The following TNNI3K variants were observed in gnomAD, a reference collection of about 807,000 sequenced individuals.
The protein encoded by TNNI3K is serine/threonine-protein kinase TNNI3K.
A neutral mutation model predicts 114.5 loss-of-function variants in TNNI3K; 140 were observed. The ratio of observed to expected loss-of-function variants is 1.22; its 90% CI spans 1.07 to 1.41. The LOEUF (loss-of-function observed/expected upper bound fraction) is 1.41, where lower values mean the gene tolerates loss of function less well. TNNI3K is among the 40% of genes most tolerant of loss of function. The probability of loss-of-function intolerance (pLI) is 0.00; values close to 1 mark genes in which losing one functional copy is unlikely to be tolerated. For missense variants in TNNI3K, 1,125 were observed against 1,007.6 expected, an observed-to-expected ratio of 1.12 and a Z score of -1.58; for synonymous variants, 347 against 347.5, an observed-to-expected ratio of 1.00 and a Z score of 0.02.
chr1:74,335,961 G>A (rs1660441414), intron 6 of TNNI3K, 50 bp from the exon 7 acceptor site: 2 of 1,517,794 alleles, frequency 1.3e-6, no homozygotes, highest in African/African-American at 1.4e-5. Flanking sequence ...CAAAAGTTTT[G>A]CATTATTGTT....
At chr1:74,542,824 A>T (rs184455808) in intron 24 of TNNI3K, among the ~76,000 whole-genome samples, 9 of 152,222 alleles carry the variant, frequency 5.9e-5, no homozygotes, top group Admixed American at 3.9e-4. Flanking sequence ...TGAAAAGAAA[A>T]CTGCTTCCCT....
intron 5 of TNNI3K, among the ~76,000 whole-genome samples, chr1:74,287,240 G>A (rs1369443094): frequency 6.6e-6 from 1 of 152,156 alleles, no homozygotes; most frequent in Admixed American, 6.5e-5. Context: ...AAGTAAACCA[G>A]TGTATGCATT....
intron 5 of TNNI3K, among the ~76,000 whole-genome samples, chr1:74,273,517 A>C (rs1253265750): frequency 2.0e-5 from 3 of 151,988 alleles, no homozygotes; most frequent in African/African-American, 7.2e-5. Context: ...TATGTCTTCA[A>C]AACAAAATCC....
chr1:74,382,023 C>T (rs1663228487), intron 17 of TNNI3K, among the ~76,000 whole-genome samples: 1 of 152,200 alleles, frequency 6.6e-6, no homozygotes, highest in African/African-American at 2.4e-5. Context: ...TCTCCATACT[C>T]AAGTAGCACT....
In TNNI3K at chr1:74,543,969, A is replaced by G; in HGVS notation, c.2495A>G (p.Glu832Gly). The G allele has an allele frequency of 6.2e-7, 1 of 1,613,134 alleles. No individual in the cohort carries two copies. The highest frequency in any genetic ancestry group is 1.1e-5 in the South Asian group (1 of 90,810). Residue 832 changes from glutamate (E) to glycine (G), a missense_variant, in exon 25 of 25, where the codon GAG becomes GGG. By Grantham distance (98) the Glu-to-Gly change is moderately conservative. Transcript: ENST00000326637. ...TCTTGCCGAAATAGTAGCAGCTTTG[A>G]GGACAGCAGCTGACAGCATTCGGCG... ...FHSCRNSSSF[E>G]DSS
chr1:74,364,169 TA>T (rs1331250019), intron 11 of TNNI3K, among the ~76,000 whole-genome samples: 3 of 150,746 alleles, frequency 2.0e-5, no homozygotes, highest in East Asian at 2.0e-4. Context: ...CCCACTAATT[TA>T]AAAAAAAATT....
intron 24 of TNNI3K, among the ~76,000 whole-genome samples, chr1:74,543,593 A>G (rs1395624537): frequency 6.6e-6 from 1 of 152,306 alleles, no homozygotes; most frequent in Admixed American, 6.5e-5. Context: ...GATTTGCCTG[A>G]CGTGAAAGCC....
At chr1:74,541,888 G>T (rs192032643) in intron 24 of TNNI3K, among the ~76,000 whole-genome samples, 1 of 152,094 alleles carries the variant, frequency 6.6e-6, no homozygotes, top group Admixed American at 6.5e-5. Flanking sequence ...TAAACTGATC[G>T]CAATATAACA....
intron 11 of TNNI3K, among the ~76,000 whole-genome samples, chr1:74,363,405 C>CATT (rs1662080316): frequency 6.6e-6 from 1 of 152,056 alleles, no homozygotes; most frequent in East Asian, 1.9e-4. Flanking sequence ...TGCTTATCAT[C>CATT]AGCCAGAACC....
intron 5 of TNNI3K, among the ~76,000 whole-genome samples, chr1:74,303,631 C>T (rs927848867): frequency 6.6e-6 from 1 of 152,176 alleles, no homozygotes; most frequent in East Asian, 1.9e-4. Context: ...AAAACAATAT[C>T]CATTCTGTAG....
intron 20 of TNNI3K, among the ~76,000 whole-genome samples, chr1:74,448,535 T>C (rs1169047739): frequency 6.8e-6 from 1 of 146,298 alleles, no homozygotes; most frequent in Admixed American, 6.8e-5. Context: ...ATCCCTGTCT[T>C]GTGCCGGTTT....
At chr1:74,538,393 C>A (rs537530940) in intron 23 of TNNI3K, among the ~76,000 whole-genome samples, 2 of 151,990 alleles carry the variant, frequency 1.3e-5, no homozygotes, top group Non-Finnish European at 2.9e-5. Context: ...TCTATTAATT[C>A]TATTAAATGC....
intron 7 of TNNI3K, 105 bp downstream of exon 7, chr1:74,336,254 A>T: frequency 7.3e-7 from 1 of 1,373,506 alleles, no homozygotes; most frequent in Non-Finnish European, 9.5e-7. Context: ...CTAATCCTGT[A>T]GTCATGTACT....
At chr1:74,534,281 C>T (rs183587977) in intron 23 of TNNI3K, among the ~76,000 whole-genome samples, 3 of 152,172 alleles carry the variant, frequency 2.0e-5, no homozygotes, top group Admixed American at 2.0e-4. Context: ...AATCAAAGTT[C>T]CCAAGTTTGC....
chr1:74,462,281 A>G (rs550093104), intron 20 of TNNI3K, among the ~76,000 whole-genome samples: 2 of 152,288 alleles, frequency 1.3e-5, no homozygotes, highest in East Asian at 3.9e-4. Context: ...GATGGGAGTA[A>G]ATTTTGGTAG....
intron 7 of TNNI3K, among the ~76,000 whole-genome samples, chr1:74,338,486 C>T (rs1025765051): frequency 6.6e-6 from 1 of 151,770 alleles, no homozygotes; most frequent in African/African-American, 2.4e-5. Flanking sequence ...TTCTCTCAGG[C>T]ATATCCAACA....
intron 23 of TNNI3K, among the ~76,000 whole-genome samples, chr1:74,509,322 G>T (rs1670062416): frequency 6.6e-6 from 1 of 152,164 alleles, no homozygotes; most frequent in South Asian, 2.1e-4. Context: ...TCAGGAAAAT[G>T]ACATTTGAGG....
intron 7 of TNNI3K, among the ~76,000 whole-genome samples, chr1:74,336,864 C>A (rs1385429349): frequency 2.0e-5 from 3 of 151,984 alleles, no homozygotes; most frequent in African/African-American, 7.3e-5. Context: ...GGGTATATAC[C>A]CAGTAATGGA....
intron 23 of TNNI3K, among the ~76,000 whole-genome samples, chr1:74,502,831 C>T (rs770269468): frequency 6.6e-6 from 1 of 152,208 alleles, no homozygotes; most frequent in Non-Finnish European, 1.5e-5. Context: ...GCCTCGTTCA[C>T]AGGCGTGCCG....
Sources: gnomAD v4.1 joint callset for allele counts (sites outside exome capture counted in the v4.1 genomes callset) on GRCh38, gnomAD v4.1.1 for gene constraint, MANE v1.5 for transcripts, NCBI Gene and HGNC (gene_info 2026-07-23, HGNC 2026-07-21) for gene names.